PTPRN2: variants seen among roughly 807,000 people sequenced by gnomAD.
PTPRN2 encodes the protein receptor-type tyrosine-protein phosphatase N2.
PTPRN2 carries 74 observed loss-of-function variants against 118.8 expected under a neutral mutation model. That is an observed-to-expected ratio of 0.62 (90% CI 0.52 to 0.76). PTPRN2 has a LOEUF of 0.76. Ranked by LOEUF, PTPRN2 falls within the 30% of genes least tolerant of loss-of-function variation. PTPRN2 has a pLI of 0.00. For missense variants in PTPRN2, 1,481 were observed against 1,394.4 expected, an observed-to-expected ratio of 1.06 and a Z score of -0.99; for synonymous variants, 641 against 608.0, an observed-to-expected ratio of 1.05 and a Z score of -0.80.
intron 2 of PTPRN2, among the ~76,000 whole-genome samples, chr7:158,413,446 G>A (rs1424546279): frequency 6.6e-6 from 1 of 152,212 alleles, no homozygotes; most frequent in Non-Finnish European, 1.5e-5. Context: ...GGCCTAACAT[G>A]GCCCCCAATT....
intron 3 of PTPRN2, among the ~76,000 whole-genome samples, chr7:158,247,871 C>A (rs1366901033): frequency 6.6e-6 from 1 of 152,158 alleles, no homozygotes; most frequent in East Asian, 1.9e-4. Context: ...CCACCTTGGC[C>A]TCCCAAAGTG....
chr7:157,771,760 GAC>G (rs1215829851), intron 12 of PTPRN2, among the ~76,000 whole-genome samples: 6 of 148,112 alleles, frequency 4.1e-5, no homozygotes, highest in African/African-American at 1.5e-4. Flanking sequence ...GACACAAACA[GAC>G]ACACATGCAG....
intron 2 of PTPRN2, among the ~76,000 whole-genome samples, chr7:158,332,077 A>T (rs1430621259): frequency 6.6e-6 from 1 of 150,404 alleles, no homozygotes; most frequent in African/African-American, 2.5e-5. Context: ...CGACACTCAC[A>T]CCCACACTCT....
chr7:158,043,091 G>T (rs977164015), intron 11 of PTPRN2, among the ~76,000 whole-genome samples: 11 of 152,134 alleles, frequency 7.2e-5, no homozygotes, highest in African/African-American at 2.4e-4. Flanking sequence ...CATGCCCATA[G>T]TTCCAGCTAC....
intron 12 of PTPRN2, among the ~76,000 whole-genome samples, chr7:157,840,628 A>G (rs769705923): frequency 1.3e-5 from 2 of 152,172 alleles, no homozygotes; most frequent in Admixed American, 6.5e-5. Flanking sequence ...GTTGGGGGGA[A>G]GTTGGAATTT....
At chr7:158,340,665 C>G (rs1224005925) in intron 2 of PTPRN2, among the ~76,000 whole-genome samples, 27 of 99,026 alleles carry the variant, frequency 2.7e-4, no homozygotes, top group African/African-American at 9.6e-4. Flanking sequence ...GCAGACGTCA[C>G]TCACACCCAC....
intron 2 of PTPRN2, among the ~76,000 whole-genome samples, chr7:158,357,317 C>T (rs1269286099): frequency 2.6e-5 from 4 of 152,222 alleles, no homozygotes; most frequent in South Asian, 2.1e-4. Context: ...CACCCAAAGG[C>T]GAGGGCCAGG....
chr7:158,129,237 C>T (rs1817958762), intron 9 of PTPRN2, among the ~76,000 whole-genome samples: 1 of 150,500 alleles, frequency 6.6e-6, no homozygotes, highest in Admixed American at 6.6e-5. Context: ...ACACACGACA[C>T]ACAACAGACA....
rs1814374200 is a variant in PTPRN2 at position 158,093,382 on chromosome 7, T to C, written c.1644-12005A>G. On this transcript the variant is annotated intron_variant, in intron 10 of 22. Transcript: ENST00000389418. The surrounding 1 kb of genome is among the most constrained non-coding windows in gnomAD (Gnocchi z 4.4). ...CACACTGTGGACCCACAGGTAGGCCTGCACCACTGTCCTTTCCTGACTCTG... is the reference window on the plus strand; with the variant it reads ...CACACTGTGGACCCACAGGTAGGCCCGCACCACTGTCCTTTCCTGACTCTG... 6.6e-6 allele frequency among the ~76,000 whole-genome samples: 1 copy of C among 151,982 alleles called. No homozygotes were observed. Among genetic ancestry groups the C allele is most frequent in the East Asian group, 1.9e-4 (1 of 5,174 alleles).
chr7:157,889,155 C>G (rs865823247), intron 12 of PTPRN2, among the ~76,000 whole-genome samples: 4 of 152,134 alleles, frequency 2.6e-5, no homozygotes, highest in African/African-American at 9.7e-5. Context: ...ACGGAATGAC[C>G]TACTCTTGAC....
At chr7:158,174,472 T>G (rs1260543312) in intron 5 of PTPRN2, among the ~76,000 whole-genome samples, 1 of 151,542 alleles carries the variant, frequency 6.6e-6, no homozygotes, top group African/African-American at 2.4e-5. Flanking sequence ...AACCATCAGC[T>G]TCCCACCATC....
intron 6 of PTPRN2, among the ~76,000 whole-genome samples, chr7:158,162,256 T>C (rs1368412922): frequency 6.6e-6 from 1 of 152,184 alleles, no homozygotes; most frequent in Non-Finnish European, 1.5e-5. Context: ...CCAGTAGAAG[T>C]TAAAGACTTA....
intron 11 of PTPRN2, among the ~76,000 whole-genome samples, chr7:157,997,352 C>T (rs1465617504): frequency 2.0e-5 from 3 of 152,264 alleles, no homozygotes; most frequent in African/African-American, 7.2e-5. Context: ...CCCCCTCCAG[C>T]AGTTCCTGCC....
chr7:157,740,867 C>G (rs761818235), intron 12 of PTPRN2, among the ~76,000 whole-genome samples: 2 of 152,174 alleles, frequency 1.3e-5, no homozygotes, highest in Non-Finnish European at 2.9e-5. Context: ...TAGAGCCGCT[C>G]TCTCTCCCCG....
chr7:158,211,069 G>C (rs1310786173), intron 3 of PTPRN2, among the ~76,000 whole-genome samples: 3 of 152,120 alleles, frequency 2.0e-5, no homozygotes, highest in African/African-American at 7.2e-5. Flanking sequence ...CAACTGTCCT[G>C]GGGATAGGAC....
intron 12 of PTPRN2, among the ~76,000 whole-genome samples, chr7:157,700,205 T>C (rs1200684061): frequency 1.3e-5 from 2 of 152,214 alleles, no homozygotes; most frequent in Non-Finnish European, 2.9e-5. Flanking sequence ...ACTGTCCTTG[T>C]CTCCAAATGG....
intron 12 of PTPRN2, among the ~76,000 whole-genome samples, chr7:157,878,454 C>T (rs10228975): frequency 0.25 from 31,186 of 122,650 alleles, 4,377 homozygotes; most frequent in East Asian, 0.39. Flanking sequence ...GAGGAGCTCT[C>T]GGATTCCGTG....
At chr7:158,193,072 G>C (rs1380045082) in intron 4 of PTPRN2, among the ~76,000 whole-genome samples, 1 of 152,252 alleles carries the variant, frequency 6.6e-6, no homozygotes, top group Non-Finnish European at 1.5e-5. Flanking sequence ...AGTCCCTGCT[G>C]TTAAACAGTG....
At chr7:157,666,180 T>C (rs11764539) in intron 13 of PTPRN2, among the ~76,000 whole-genome samples, 37,718 of 151,650 alleles carry the variant, frequency 0.25, 4,779 homozygotes, top group Admixed American at 0.28. Flanking sequence ...GGGGAAGTCA[T>C]TTATTTTTGT....
Sources: gnomAD v4.1 joint callset for allele counts (sites outside exome capture counted in the v4.1 genomes callset) on GRCh38, gnomAD v4.1.1 for gene constraint, Gnocchi (gnomAD v3.1) non-coding constraint, MANE v1.5 for transcripts, NCBI Gene and HGNC (gene_info 2026-07-23, HGNC 2026-07-21) for gene names.